The following KCNT2 variants were observed in gnomAD, a reference collection of about 807,000 sequenced individuals.
KCNT2 encodes potassium channel subfamily T member 2.
Under a neutral mutation model 153.8 loss-of-function variants are expected in KCNT2, and 67 were observed. The observed-to-expected ratio is 0.44, with a 90% CI of 0.36 to 0.53. KCNT2 has a LOEUF of 0.53. Among genes scored for constraint, KCNT2 ranks in the 20% least tolerant of loss-of-function variants. The probability of loss-of-function intolerance (pLI) is 0.00; values close to 1 mark genes in which losing one functional copy is unlikely to be tolerated. For missense variants in KCNT2, 975 were observed against 1,354.8 expected (o/e 0.72, Z 4.40); for synonymous variants, 500 against 458.8 (o/e 1.09, Z -1.15).
chr1:196,502,485 T>C (rs532388860), intron 1 of KCNT2, among the ~76,000 whole-genome samples: 152 of 152,252 alleles, frequency 1.0e-3, no homozygotes, highest in African/African-American at 3.4e-3. Context: ...ATATGTTACA[T>C]ATACATATAC....
At chr1:196,403,214 T>C (rs1379072207) in intron 12 of KCNT2, among the ~76,000 whole-genome samples, 1 of 151,570 alleles carries the variant, frequency 6.6e-6, no homozygotes, top group Non-Finnish European at 1.5e-5. Flanking sequence ...ATCCATACAA[T>C]GGAATATTTG....
At position 196,428,280 on chromosome 1, in the gene KCNT2, T is replaced by TCTG; in HGVS notation, c.820-12_820-11insCAG. 6.2e-7 allele frequency: 1 copy of TCTG among 1,602,880 alleles called. No individual in the cohort carries two copies. The highest frequency in any genetic ancestry group is 8.5e-7 in the Non-Finnish European group (1 of 1,171,164). On this transcript the variant is annotated splice_polypyrimidine_tract_variant and intron_variant, in intron 9 of 27. Transcript: ENST00000294725. Reference sequence around the variant, plus strand: ...AGCCAGCTGTTCAAACTGTAATATATTTTCCACATGTGAATGAAAAACACA... The same window carrying TCTG: ...AGCCAGCTGTTCAAACTGTAATATATCTGTTTCCACATGTGAATGAAAAACACA...
chr1:196,236,512 T>C (rs909321117), intron 26 of KCNT2, among the ~76,000 whole-genome samples: 4 of 151,408 alleles, frequency 2.6e-5, no homozygotes, highest in African/African-American at 9.7e-5. Context: ...TTAGAAAACA[T>C]GCTAGAAATG....
chr1:196,372,181 C>A (rs1668592540), intron 14 of KCNT2, among the ~76,000 whole-genome samples: 1 of 151,854 alleles, frequency 6.6e-6, no homozygotes, highest in African/African-American at 2.4e-5. Flanking sequence ...TTTTACCATC[C>A]CAATTAGGCA....
chr1:196,309,868 C>A (rs1021845326), intron 21 of KCNT2, among the ~76,000 whole-genome samples: 1 of 151,612 alleles, frequency 6.6e-6, no homozygotes, highest in Admixed American at 6.6e-5. Context: ...TAGAGCAATA[C>A]TGTAATTAAA....
At chr1:196,527,852 G>T (rs1053285678) in intron 1 of KCNT2, among the ~76,000 whole-genome samples, 7 of 152,156 alleles carry the variant, frequency 4.6e-5, no homozygotes, top group African/African-American at 1.7e-4. Flanking sequence ...TTGAACATAG[G>T]TCTGGTCTTG....
At chr1:196,278,724 A>G (rs994419319) in intron 25 of KCNT2, among the ~76,000 whole-genome samples, 3 of 152,192 alleles carry the variant, frequency 2.0e-5, no homozygotes, top group African/African-American at 7.2e-5. Flanking sequence ...ACAATTCCCA[A>G]AGCCTATATG....
intron 14 of KCNT2, among the ~76,000 whole-genome samples, chr1:196,348,280 G>C (rs753728107): frequency 6.6e-6 from 1 of 151,530 alleles, no homozygotes; most frequent in Non-Finnish European, 1.5e-5. Flanking sequence ...ATTTAGTGTT[G>C]TAATTAGATA....
chr1:196,235,845 T>A (rs1391182076), intron 27 of KCNT2, 141 bp downstream of exon 27: 3 of 520,680 alleles, frequency 5.8e-6, no homozygotes, highest in Admixed American at 3.1e-5. Context: ...GAAATGCATT[T>A]GTTTATTTAT....
At chr1:196,469,213 C>G (rs780108135) in intron 5 of KCNT2, 145 bp from the exon 6 acceptor site, 4 of 519,964 alleles carry the variant, frequency 7.7e-6, no homozygotes, top group African/African-American at 3.8e-5. Flanking sequence ...GTAGCAATGA[C>G]TTTTAGAGAT....
chr1:196,481,274 T>C (rs772881886), intron 4 of KCNT2, among the ~76,000 whole-genome samples: 1 of 152,138 alleles, frequency 6.6e-6, no homozygotes, highest in Non-Finnish European at 1.5e-5. Flanking sequence ...ACATGTGGAA[T>C]GAGTGTAGAA....
intron 8 of KCNT2, among the ~76,000 whole-genome samples, chr1:196,442,470 T>C (rs902748871): frequency 6.6e-6 from 1 of 151,688 alleles, no homozygotes; most frequent in African/African-American, 2.4e-5. Flanking sequence ...GTGGAAGAGA[T>C]AGAAAATAAT....
chr1:196,515,717 C>G (rs1418070251), intron 1 of KCNT2, among the ~76,000 whole-genome samples: 1 of 152,148 alleles, frequency 6.6e-6, no homozygotes, highest in Non-Finnish European at 1.5e-5. Flanking sequence ...AATACAGCAC[C>G]TTGAACTAAA....
At chr1:196,516,864 A>G (rs1298507892) in intron 1 of KCNT2, among the ~76,000 whole-genome samples, 3 of 152,168 alleles carry the variant, frequency 2.0e-5, no homozygotes, top group African/African-American at 7.2e-5. Context: ...AGACTAGAGC[A>G]GACCCCCAGC....
At chr1:196,334,931 CCT>C (rs1664870202) in intron 16 of KCNT2, among the ~76,000 whole-genome samples, 1 of 151,954 alleles carries the variant, frequency 6.6e-6, no homozygotes, top group East Asian at 1.9e-4. Flanking sequence ...CATGGAAGTA[CCT>C]GGAGGCAGTA....
chr1:196,379,214 G>A (rs1346858928), intron 13 of KCNT2, among the ~76,000 whole-genome samples: 1 of 152,120 alleles, frequency 6.6e-6, no homozygotes, highest in Non-Finnish European at 1.5e-5. Context: ...ATATAAATCT[G>A]TCATTTTTTT....
intron 1 of KCNT2, among the ~76,000 whole-genome samples, chr1:196,555,773 C>T (rs1174922924): frequency 1.3e-5 from 2 of 151,328 alleles, no homozygotes; most frequent in Non-Finnish European, 3.0e-5. Context: ...GTAACCAAAA[C>T]AGCATGGTAG....
intron 26 of KCNT2, among the ~76,000 whole-genome samples, chr1:196,239,220 G>A (rs1251300348): frequency 6.6e-6 from 1 of 151,652 alleles, no homozygotes; most frequent in Non-Finnish European, 1.5e-5. Context: ...CTGTGTCCCT[G>A]ATAACCAAAA....
chr1:196,381,090 A>G (rs951386506), intron 13 of KCNT2, among the ~76,000 whole-genome samples: 11 of 152,298 alleles, frequency 7.2e-5, no homozygotes, highest in Admixed American at 5.2e-4. Context: ...TTTTCTGTAA[A>G]ACAGATTTAT....
Sources: allele counts gnomAD v4.1 joint callset (sites outside exome capture counted in the v4.1 genomes callset), GRCh38; gene constraint gnomAD v4.1.1; transcripts MANE v1.5; gene names NCBI Gene and HGNC (gene_info 2026-07-23, HGNC 2026-07-21).